Variants in PTPRJ observed in about 807,000 individuals in gnomAD.
The protein encoded by PTPRJ is protein tyrosine phosphatase receptor type J, also known as receptor-type tyrosine-protein phosphatase eta.
A neutral mutation model predicts 141.3 loss-of-function variants in PTPRJ; 129 were observed. That is an observed-to-expected ratio of 0.91 (90% CI 0.79 to 1.06). The LOEUF (loss-of-function observed/expected upper bound fraction) is 1.06, where lower values mean the gene tolerates loss of function less well. PTPRJ is among the 50% of genes least tolerant of loss of function. The pLI, the probability that PTPRJ is intolerant of heterozygous loss-of-function variation, is 0.00. For synonymous variants in PTPRJ, 610 were observed against 640.5 expected (o/e 0.95, Z 0.72); for missense variants, 1,601 against 1,679.7 (o/e 0.95, Z 0.82).
chr11:47,981,617 C>G (rs1343177587), intron 1 of PTPRJ, among the ~76,000 whole-genome samples: 2 of 152,234 alleles, frequency 1.3e-5, no homozygotes, highest in African/African-American at 4.8e-5. Context: ...CTCTTGGCGT[C>G]GTGCTTGATT....
chr11:48,149,644 G>T, intron 16 of PTPRJ, 156 bp downstream of exon 16: 1 of 569,254 alleles, frequency 1.8e-6, no homozygotes, highest in Non-Finnish European at 3.0e-6. Flanking sequence ...TTTTCTGCAA[G>T]GAATCTATGT....
Position 48,132,449 on chromosome 11 carries a change from G to C in PTPRJ, c.1615+1733G>C, listed in dbSNP as rs1240146319. ...GGAGAAACTTCTGGGAAATCCTAGA[G>C]AGTAATGTTCATTATTGTTGTTTTA... is the stretch of plus-strand genomic sequence containing the variant. On this transcript the variant is annotated intron_variant, in intron 8 of 24. Transcript: ENST00000418331. 1.9e-5 allele frequency: 19 copies of C among 983,308 alleles called. No homozygotes were observed. In the East Asian group the frequency reaches 5.7e-4, roughly 29 times the overall value. The allele number at this position is 983,308 out of a possible 1,614,324, so 60.9% of individuals were successfully genotyped here.
intron 3 of PTPRJ, among the ~76,000 whole-genome samples, chr11:48,120,464 C>A (rs181880514): frequency 3.9e-5 from 6 of 152,190 alleles, no homozygotes; most frequent in Admixed American, 3.9e-4. Context: ...TCGGTCTTGT[C>A]GCCCAGGCTG....
chr11:48,129,072 C>A (rs1856908114), intron 7 of PTPRJ, among the ~76,000 whole-genome samples: 1 of 152,052 alleles, frequency 6.6e-6, no homozygotes, highest in Non-Finnish European at 1.5e-5. Context: ...TAACAGAAGC[C>A]CAGTGCTAGG....
intron 24 of PTPRJ, among the ~76,000 whole-genome samples, chr11:48,164,805 A>T (rs1021485151): frequency 1.3e-5 from 2 of 150,598 alleles, no homozygotes; most frequent in Non-Finnish European, 3.0e-5. Flanking sequence ...ACCTCAAGTG[A>T]TCTGCCTGCC....
At chr11:48,069,192 C>T (rs556748699) in intron 1 of PTPRJ, among the ~76,000 whole-genome samples, 229 of 151,510 alleles carry the variant, frequency 1.5e-3, no homozygotes, top group Middle Eastern at 0.01. Flanking sequence ...CTCCGCCTCC[C>T]GGGATAAAGC....
intron 1 of PTPRJ, among the ~76,000 whole-genome samples, chr11:48,084,316 C>T (rs1018957078): frequency 1.3e-5 from 2 of 152,132 alleles, no homozygotes; most frequent in Non-Finnish European, 2.9e-5. Context: ...GCTGGGACTA[C>T]AGGCACTTGC....
chr11:48,081,036 C>T (rs1201824673), intron 1 of PTPRJ, among the ~76,000 whole-genome samples: 1 of 152,214 alleles, frequency 6.6e-6, no homozygotes, highest in Non-Finnish European at 1.5e-5. Context: ...AACTCCTGAG[C>T]CCTACTCCTG....
rs763648656 is a variant in PTPRJ, at chr11:48,155,868, C to T, written c.3297C>T (p.Tyr1099=). The change falls in exon 20 of 25, where the codon TAC becomes TAT. Residue 1099 remains tyrosine (Y), a synonymous_variant. Coordinates refer to ENST00000418331, the MANE Select transcript of PTPRJ (RefSeq NM_002843.4). ...CGGATGACTACATCAATGCCAACTA[C>T]ATGCCTGTAAGTTGGGGGACGGTCT... is the stretch of plus-strand genomic sequence containing the variant. ...HSTDDYINAN[Y]MPGYHSKKDF... 6 of 1,602,534 alleles carry T rather than the reference C, an allele frequency of 3.7e-6. No individual in the cohort carries two copies. In the Admixed American group the frequency reaches 6.7e-5, roughly 18 times the overall value.
At chr11:48,023,156 G>A (rs993689045) in intron 1 of PTPRJ, among the ~76,000 whole-genome samples, 6 of 151,552 alleles carry the variant, frequency 4.0e-5, no homozygotes, top group African/African-American at 1.5e-4. Context: ...AGAAAACAAG[G>A]AGAAAAATGA....
chr11:48,010,504 A>G (rs1482230243), intron 1 of PTPRJ, among the ~76,000 whole-genome samples: 1 of 151,824 alleles, frequency 6.6e-6, no homozygotes, highest in Non-Finnish European at 1.5e-5. Flanking sequence ...TTGTTGAATG[A>G]ATTGAAGACA....
At chr11:48,078,046 G>GT (rs71308357) in intron 1 of PTPRJ, among the ~76,000 whole-genome samples, 8,656 of 147,276 alleles carry the variant, frequency 0.059, 297 homozygotes, top group Middle Eastern at 0.11. Context: ...TGGATTCAGT[G>GT]TTTTTTTTTT....
intron 1 of PTPRJ, among the ~76,000 whole-genome samples, chr11:48,040,722 C>T (rs891702695): frequency 1.3e-5 from 2 of 151,724 alleles, no homozygotes; most frequent in African/African-American, 2.4e-5. Flanking sequence ...CTGCCTCAGC[C>T]TCCTAAGTAG....
chr11:48,159,896 T>C, intron 21 of PTPRJ, 34 bp from the exon 22 acceptor site: 15 of 1,612,184 alleles, frequency 9.3e-6, no homozygotes, highest in Non-Finnish European at 1.3e-5. Context: ...TGGCATGATC[T>C]GAGTCTTCTT....
chr11:47,993,092 C>T (rs1331419148), intron 1 of PTPRJ, among the ~76,000 whole-genome samples: 1 of 152,044 alleles, frequency 6.6e-6, no homozygotes, highest in Non-Finnish European at 1.5e-5. Flanking sequence ...AGCAGGTAAG[C>T]AGGAAGAACC....
chr11:48,123,607 A>G lies in PTPRJ; in HGVS notation c.617-6A>G. The G allele has an allele frequency of 6.2e-7, 1 of 1,611,004 alleles. No homozygotes were observed. The highest frequency in any genetic ancestry group is 8.5e-7 in the Non-Finnish European group (1 of 1,178,660). On this transcript the variant is annotated splice_polypyrimidine_tract_variant and splice_region_variant and intron_variant, in intron 4 of 24. Transcript: ENST00000418331. ...TCCATTAATGCATGTTGTATTTTTA[A>G]AATAGAGCCGATCCCAGTTTCTGAT...
rs532352555 is a variant in PTPRJ, at chr11:48,076,934, C to T, written c.97-33124C>T. Reference sequence around the variant, plus strand: ...ACAGGCTGGAGTGCAATGGCGCCATCTCAGCTCACTGCAACCTCCACCTCC... The same window carrying T: ...ACAGGCTGGAGTGCAATGGCGCCATTTCAGCTCACTGCAACCTCCACCTCC... On this transcript the variant is annotated intron_variant, in intron 1 of 24. Transcript: ENST00000418331. Among the ~76,000 whole-genome samples the T allele has an allele frequency of 6.6e-5, 10 of 152,178 alleles. No homozygotes were observed. In the South Asian group the frequency reaches 2.1e-3, roughly 32 times the overall value.
chr11:47,996,310 G>C (rs1359204520), intron 1 of PTPRJ, among the ~76,000 whole-genome samples: 1 of 149,892 alleles, frequency 6.7e-6, no homozygotes, highest in South Asian at 2.1e-4. Flanking sequence ...ACTCCAGCCT[G>C]GGGGACAGAG....
At chr11:48,012,895 A>C (rs549741199) in intron 1 of PTPRJ, among the ~76,000 whole-genome samples, 1 of 152,278 alleles carries the variant, frequency 6.6e-6, no homozygotes, top group East Asian at 1.9e-4. Context: ...ACCTGAGGTC[A>C]GGAGCTTGAG....
Sources: allele counts gnomAD v4.1 joint callset (sites outside exome capture counted in the v4.1 genomes callset), GRCh38; gene constraint gnomAD v4.1.1; transcripts MANE v1.5; gene names NCBI Gene and HGNC (gene_info 2026-07-23, HGNC 2026-07-21).